CPA6: variants seen among roughly 807,000 people sequenced by gnomAD.
CPA6 encodes the protein carboxypeptidase A6, also known as carboxypeptidase B.
A neutral mutation model predicts 63.3 loss-of-function variants in CPA6; 58 were observed. The observed-to-expected ratio is 0.92, with a 90% CI of 0.74 to 1.14. CPA6 has a LOEUF of 1.14. Among genes scored for constraint, CPA6 ranks in the 50% most tolerant of loss-of-function variants. CPA6 has a pLI of 0.00. For missense variants in CPA6, 565 were observed against 526.6 expected, an observed-to-expected ratio of 1.07 and a Z score of -0.71; for synonymous variants, 185 against 179.0, an observed-to-expected ratio of 1.03 and a Z score of -0.27.
intron 2 of CPA6, among the ~76,000 whole-genome samples, chr8:67,614,857 T>C (rs1051047662): frequency 6.6e-6 from 1 of 152,180 alleles, no homozygotes; most frequent in Non-Finnish European, 1.5e-5. Context: ...CAATTGGATG[T>C]TCTTTCTTTG....
chr8:67,608,553 G>C (rs1814726068), intron 2 of CPA6, among the ~76,000 whole-genome samples: 5 of 152,130 alleles, frequency 3.3e-5, no homozygotes, highest in Admixed American at 3.3e-4. Flanking sequence ...CTTCAAGTCT[G>C]TGTGACCTGA....
At chr8:67,505,208 C>T (rs1811903075) in intron 6 of CPA6, among the ~76,000 whole-genome samples, 1 of 152,206 alleles carries the variant, frequency 6.6e-6, no homozygotes, top group Non-Finnish European at 1.5e-5. Flanking sequence ...ATCATTACCA[C>T]TGAATTCTCA....
At chr8:67,666,427 AG>A (rs1260347264) in intron 1 of CPA6, among the ~76,000 whole-genome samples, 3 of 151,918 alleles carry the variant, frequency 2.0e-5, no homozygotes, top group Admixed American at 6.6e-5. Context: ...AGGGGTGGGG[AG>A]GGGGGCACTC....
chr8:67,431,463 C>G (rs1025029068), intron 9 of CPA6, among the ~76,000 whole-genome samples: 1 of 150,422 alleles, frequency 6.6e-6, no homozygotes, highest in African/African-American at 2.4e-5. Flanking sequence ...AGGCTGCTCT[C>G]GAACTCCTGT....
intron 8 of CPA6, among the ~76,000 whole-genome samples, chr8:67,454,234 A>G (rs528436425): frequency 6.6e-6 from 1 of 152,336 alleles, no homozygotes; most frequent in African/African-American, 2.4e-5. Flanking sequence ...ATCTATCTTT[A>G]TTTATAGCCT....
At chr8:67,628,199 C>T (rs1008200399) in intron 1 of CPA6, among the ~76,000 whole-genome samples, 4 of 151,236 alleles carry the variant, frequency 2.6e-5, no homozygotes, top group African/African-American at 4.9e-5. Context: ...GGTGACAGAG[C>T]GAGACTCCAT....
intron 2 of CPA6, among the ~76,000 whole-genome samples, chr8:67,611,127 G>T (rs1814797490): frequency 6.6e-6 from 1 of 151,386 alleles, no homozygotes; most frequent in Non-Finnish European, 1.5e-5. Context: ...CTGTCGCCTG[G>T]GTTAGAGTGC....
intron 2 of CPA6, among the ~76,000 whole-genome samples, chr8:67,617,922 T>C (rs552395354): frequency 1.4e-5 from 2 of 143,206 alleles, no homozygotes; most frequent in Admixed American, 1.5e-4. Context: ...GTTCACGGCA[T>C]GGCTGTTTGT....
In CPA6 at chr8:67,607,222, CTTCTTCTTCTTCTTCTTCTT is replaced by C. The variant is rs1564021390; in HGVS notation, c.192+16934_192+16953del. On this transcript the variant is annotated intron_variant, in intron 2 of 10. Transcript: ENST00000297770. ...TCTTCTTCTTCTTCTTCTTCTTCTT[CTTCTTCTTCTTCTTCTTCTT>C]CTTCTTCTTCTCCTCCTCCTCCTTT... Among the ~76,000 whole-genome samples the C allele has an allele frequency of 1.8e-5, 2 of 111,578 alleles. 1 individual carries two copies. Among genetic ancestry groups the C allele is most frequent in the Non-Finnish European group, 3.5e-5 (2 of 56,672 alleles). The allele number at this position is 111,578 out of a possible 152,430, so 73.2% of individuals were successfully genotyped here.
intron 8 of CPA6, among the ~76,000 whole-genome samples, chr8:67,455,663 C>CA (rs552041509): frequency 0.025 from 753 of 30,150 alleles, 67 homozygotes; most frequent in African/African-American, 0.073. Flanking sequence ...TCTACAAAAG[C>CA]AAAAAAAAAA....
At chr8:67,685,585 T>C (rs536905535) in intron 1 of CPA6, among the ~76,000 whole-genome samples, 2 of 152,212 alleles carry the variant, frequency 1.3e-5, no homozygotes, top group South Asian at 4.2e-4. Flanking sequence ...CGCCACTGCG[T>C]TCCAGCCTGG....
In CPA6 at chr8:67,618,447, G is replaced by T. The variant is rs114782026; in HGVS notation, c.192+5729C>A. ...CAGTCAACTACAGCACAGTACTGGG[G>T]TGTGAGGGAGGGAGGCCACACCAGG... is the stretch of plus-strand genomic sequence containing the variant. On this transcript the variant is annotated intron_variant, in intron 2 of 10. Coordinates refer to ENST00000297770, the MANE Select transcript of CPA6 (RefSeq NM_020361.5). Among the ~76,000 whole-genome samples the T allele has an allele frequency of 1.0e-3, 159 of 152,266 alleles. 1 individual carries two copies. Among genetic ancestry groups the T allele is most frequent in the African/African-American group, 3.5e-3 (147 of 41,540 alleles).
In CPA6 at chr8:67,685,028, C is replaced by G. The variant is rs537272618; in HGVS notation, c.117-60777G>C. On this transcript the variant is annotated intron_variant, in intron 1 of 10. Coordinates refer to ENST00000297770, the MANE Select transcript of CPA6 (RefSeq NM_020361.5). ...TCAGAGTTGAGCCCAATCTCTCTCC[C>G]CATTGCAAGGCTTCATTGCAGTAGT... Among the ~76,000 whole-genome samples, 13 of 152,240 alleles carry G rather than the reference C, an allele frequency of 8.5e-5. No homozygotes were observed. The East Asian group carries it at 2.5e-3, about 30-fold the overall frequency.
At chr8:67,497,728 G>A (rs927503915) in intron 6 of CPA6, among the ~76,000 whole-genome samples, 1 of 150,306 alleles carries the variant, frequency 6.7e-6, no homozygotes, top group African/African-American at 2.5e-5. Flanking sequence ...GTCTTGCTCT[G>A]TTGCCCACGC....
chr8:67,638,803 T>A (rs1236186806), intron 1 of CPA6, among the ~76,000 whole-genome samples: 1 of 151,528 alleles, frequency 6.6e-6, no homozygotes, highest in East Asian at 1.9e-4. Context: ...GTCCTCAGTT[T>A]CTTTCATTTC....
At chr8:67,658,913 G>T (rs899010682) in intron 1 of CPA6, among the ~76,000 whole-genome samples, 2 of 151,914 alleles carry the variant, frequency 1.3e-5, no homozygotes, top group African/African-American at 4.8e-5. Context: ...CTTTTGTCTG[G>T]ACTACACAGC....
chr8:67,699,591 T>TC (rs1816979957), intron 1 of CPA6, among the ~76,000 whole-genome samples: 1 of 140,880 alleles, frequency 7.1e-6, no homozygotes, highest in Non-Finnish European at 1.5e-5. Flanking sequence ...TTTTTCTTCT[T>TC]TTTTTTTTTT....
At chr8:67,423,172 C>A (rs1452318894) in intron 10 of CPA6, among the ~76,000 whole-genome samples, 1 of 152,218 alleles carries the variant, frequency 6.6e-6, no homozygotes, top group Non-Finnish European at 1.5e-5. Flanking sequence ...GCAACCTCCG[C>A]CTCCTGGGTT....
intron 1 of CPA6, among the ~76,000 whole-genome samples, chr8:67,725,319 A>C (rs1817577139): frequency 6.6e-6 from 1 of 152,156 alleles, no homozygotes; most frequent in African/African-American, 2.4e-5. Flanking sequence ...ATCTAAAACA[A>C]TTTGGGACAT....
Sources: allele counts gnomAD v4.1 joint callset (sites outside exome capture counted in the v4.1 genomes callset), GRCh38; gene constraint gnomAD v4.1.1; transcripts MANE v1.5; gene names NCBI Gene and HGNC (gene_info 2026-07-23, HGNC 2026-07-21).